Variants in TTC28 observed in about 807,000 individuals in gnomAD.
TTC28 encodes tetratricopeptide repeat domain 28.
TTC28 carries 61 observed loss-of-function variants against 198.0 expected under a neutral mutation model. That is an observed-to-expected ratio of 0.31 (90% CI 0.25 to 0.38). The LOEUF (loss-of-function observed/expected upper bound fraction) is 0.38. TTC28 is among the 10% of genes least tolerant of loss of function. The pLI, the probability that TTC28 is intolerant of heterozygous loss-of-function variation, is 1.00. For synonymous variants in TTC28, 1,171 were observed against 1,297.8 expected (o/e 0.90, Z 2.10); for missense variants, 2,678 against 3,164.0 (o/e 0.85, Z 3.69).
chr22:28,673,331 G>A (rs1300099177), intron 1 of TTC28, among the ~76,000 whole-genome samples: 1 of 151,988 alleles, frequency 6.6e-6, no homozygotes, highest in East Asian at 1.9e-4. Context: ...CAGAGATCGC[G>A]CCACTGCACT....
intron 6 of TTC28, among the ~76,000 whole-genome samples, chr22:28,110,935 T>TA (rs796954055): frequency 0.08 from 10,605 of 133,148 alleles, 440 homozygotes; most frequent in Non-Finnish European, 0.098. Context: ...ACCCTGCCTT[T>TA]AAAAAAAAAA....
At chr22:28,528,603 G>T (rs1375600805) in intron 2 of TTC28, among the ~76,000 whole-genome samples, 1 of 151,730 alleles carries the variant, frequency 6.6e-6, no homozygotes, top group Non-Finnish European at 1.5e-5. Context: ...GGGAATGGTG[G>T]CATGCACTTG....
rs555168146 is a variant in TTC28, at chr22:28,563,060, T to C, written c.381+66492A>G. Among the ~76,000 whole-genome samples the C allele has an allele frequency of 9.4e-4, 143 of 152,044 alleles. 1 individual carries two copies. Among genetic ancestry groups the C allele is most frequent in the African/African-American group, 2.3e-3 (97 of 41,442 alleles). ...GTCGCTTGAGCTCAGGAGGCAGAGG[T>C]TGCAGTGACCTGAGATGGAGCCACT... On this transcript the variant is annotated intron_variant, in intron 2 of 22. Transcript: ENST00000397906.
chr22:28,429,063 C>G (rs1413740088), intron 2 of TTC28, among the ~76,000 whole-genome samples: 2 of 152,092 alleles, frequency 1.3e-5, no homozygotes, highest in African/African-American at 4.8e-5. Flanking sequence ...CTCAATTTGC[C>G]TCCTCATTAT....
At chr22:28,565,695 GA>G (rs2049957525) in intron 2 of TTC28, among the ~76,000 whole-genome samples, 1 of 152,158 alleles carries the variant, frequency 6.6e-6, no homozygotes, top group African/African-American at 2.4e-5. Flanking sequence ...TAGAAGGGCT[GA>G]AATCATTTTT....
chr22:28,262,729 G>C (rs1931410986), intron 5 of TTC28, among the ~76,000 whole-genome samples: 1 of 152,168 alleles, frequency 6.6e-6, no homozygotes, highest in Non-Finnish European at 1.5e-5. Flanking sequence ...AGCTGTGACT[G>C]ACTCTCTCAT....
At position 28,032,168 on chromosome 22, in the gene TTC28, GTATATA is replaced by G. The variant is rs375645095; in HGVS notation, c.3933-1808_3933-1803del. Among the ~76,000 whole-genome samples, 159 of 91,064 alleles carry G rather than the reference GTATATA, an allele frequency of 1.7e-3. 1 individual carries two copies. Among genetic ancestry groups the G allele is most frequent in the Non-Finnish European group, 2.4e-3 (106 of 45,028 alleles). The allele number at this position is 91,064 out of a possible 152,430, so 59.7% of individuals were successfully genotyped here. A position where few individuals can be genotyped will look rare whatever the true frequency, so the allele number is the denominator to read the frequency against. On this transcript the variant is annotated intron_variant, in intron 12 of 22. Transcript: ENST00000397906. The stretch of plus-strand genomic sequence containing the variant: ...TCCTATTTATATCTACTTAGTGTGT[GTATATA>G]TATATATATATATAAAATATATATA...
intron 5 of TTC28, among the ~76,000 whole-genome samples, chr22:28,253,895 A>C (rs1930698664): frequency 1.3e-5 from 2 of 152,142 alleles, no homozygotes; most frequent in Non-Finnish European, 2.9e-5. Flanking sequence ...ACTTGAGATC[A>C]GGAGTTCGAG....
chr22:27,996,284 T>C, intron 16 of TTC28, 25 bp from the exon 17 acceptor site: 2 of 1,546,616 alleles, frequency 1.3e-6, no homozygotes, highest in Non-Finnish European at 1.7e-6. Context: ...GGAGGGCACC[T>C]CAGCAGGGCA....
intron 2 of TTC28, among the ~76,000 whole-genome samples, chr22:28,422,563 C>T (rs756000623): frequency 2.6e-5 from 4 of 151,848 alleles, no homozygotes; most frequent in African/African-American, 9.7e-5. Flanking sequence ...CTCAGCCTCC[C>T]GAGTAGCTGG....
intron 5 of TTC28, among the ~76,000 whole-genome samples, chr22:28,241,132 A>G (rs1601520453): frequency 1.3e-5 from 2 of 152,140 alleles, no homozygotes; most frequent in East Asian, 3.9e-4. Flanking sequence ...CACATAATCA[A>G]AGTTCATTTC....
rs1437126149 is a variant in TTC28, at chr22:27,990,190, G to A, written c.5578-183C>T. The stretch of plus-strand genomic sequence containing the variant: ...TACTGTCCTGCTGTCCTCTCTGTGG[G>A]AAGCTCATGGGGCATTGGGGCAAGA... On this transcript the variant is annotated intron_variant, in intron 20 of 22. Coordinates refer to ENST00000397906, the MANE Select transcript of TTC28 (RefSeq NM_001145418.2). The A allele has an allele frequency of 1.2e-5, 10 of 817,616 alleles. No individual in the cohort carries two copies. In the African/African-American group the frequency reaches 1.7e-4, roughly 14 times the overall value. 50.6% of individuals were successfully genotyped at this position (817,616 alleles called of 1,614,324 possible).
intron 2 of TTC28, among the ~76,000 whole-genome samples, chr22:28,621,020 T>C (rs928507960): frequency 1.3e-5 from 2 of 152,200 alleles, no homozygotes; most frequent in African/African-American, 2.4e-5. Flanking sequence ...TAGTTGATAA[T>C]GTAAAAAAGA....
chr22:28,583,259 A>G (rs1244825845), intron 2 of TTC28, among the ~76,000 whole-genome samples: 1 of 152,188 alleles, frequency 6.6e-6, no homozygotes, highest in Non-Finnish European at 1.5e-5. Flanking sequence ...TTTGTGATTC[A>G]TTTTCATTTT....
chr22:28,060,754 CGTT>C (rs1829195675), intron 12 of TTC28, among the ~76,000 whole-genome samples: 1 of 151,800 alleles, frequency 6.6e-6, no homozygotes, highest in Admixed American at 6.6e-5. Flanking sequence ...CTCTCCAGCA[CGTT>C]GTTTATAGTT....
At chr22:28,071,590 G>T (rs990535812) in intron 12 of TTC28, among the ~76,000 whole-genome samples, 14 of 149,780 alleles carry the variant, frequency 9.3e-5, no homozygotes, top group Admixed American at 8.0e-4. Flanking sequence ...GGTGGGGTGG[G>T]GGGGAGCGGG....
intron 2 of TTC28, among the ~76,000 whole-genome samples, chr22:28,574,353 T>TTGTGTG (rs145439302): frequency 5.1e-4 from 76 of 148,730 alleles, no homozygotes; most frequent in African/African-American, 1.6e-3. Context: ...ACTCCACTGT[T>TTGTGTG]TGTGTGTGTG....
chr22:28,306,800 C>T (rs2045155983), intron 2 of TTC28, among the ~76,000 whole-genome samples, 157 bp from the exon 3 acceptor site: 1 of 152,214 alleles, frequency 6.6e-6, no homozygotes, highest in Admixed American at 6.5e-5. Flanking sequence ...TAACTTCTAA[C>T]ATCATAAGCA....
chr22:28,121,396 T>C (rs1406750791), intron 6 of TTC28, among the ~76,000 whole-genome samples: 1 of 152,190 alleles, frequency 6.6e-6, no homozygotes, highest in Non-Finnish European at 1.5e-5. Flanking sequence ...AGCCAACCAC[T>C]TCTTCCATGC....
Sources: allele counts gnomAD v4.1 joint callset (sites outside exome capture counted in the v4.1 genomes callset), GRCh38; gene constraint gnomAD v4.1.1; transcripts MANE v1.5; gene names NCBI Gene and HGNC (gene_info 2026-07-23, HGNC 2026-07-21).